The following CCDC85C variants were observed in gnomAD, a reference collection of about 807,000 sequenced individuals.
The protein encoded by CCDC85C is coiled-coil domain-containing protein 85C.
In CCDC85C, 18 loss-of-function variants were observed where a neutral mutation model predicts 38.3. The ratio of observed to expected loss-of-function variants is 0.47; its 90% confidence interval spans 0.33 to 0.70. CCDC85C has a LOEUF of 0.70. Ranked by LOEUF, CCDC85C falls within the 30% of genes least tolerant of loss-of-function variation. The pLI, the probability that CCDC85C is intolerant of heterozygous loss-of-function variation, is 0.03. For missense variants in CCDC85C, 566 were observed against 621.2 expected, an observed-to-expected ratio of 0.91 and a Z score of 0.94; for synonymous variants, 264 against 293.8, an observed-to-expected ratio of 0.90 and a Z score of 1.04.
chr14:99,559,899 G>A (rs955337580), intron 1 of CCDC85C, among the ~76,000 whole-genome samples: 1 of 152,072 alleles, frequency 6.6e-6, no homozygotes, highest in Non-Finnish European at 1.5e-5. Flanking sequence ...TCAGGGGAAA[G>A]AAATCTTCCC....
In CCDC85C at chr14:99,512,005, G is replaced by A. The variant is rs1336468657; in HGVS notation, c.*3241C>T. The A allele has an allele frequency of 1.3e-5, 2 of 152,242 alleles. No homozygotes were observed. Among genetic ancestry groups the A allele is most frequent in the Admixed American group, 6.5e-5 (1 of 15,278 alleles). 9.4% of individuals were successfully genotyped at this position (152,242 alleles called of 1,614,324 possible). A position where few individuals can be genotyped will look rare whatever the true frequency, so the allele number is the denominator to read the frequency against. On this transcript the variant is annotated 3_prime_UTR_variant, in exon 6 of 6. Coordinates refer to ENST00000380243, the MANE Select transcript of CCDC85C (RefSeq NM_001144995.2). The stretch of plus-strand genomic sequence containing the variant: ...TCTGCCTGCTGACCCTGCCACCCAC[G>A]ACAGAAACAAGCACTGAGCACCCAG...
At position 99,533,116 on chromosome 14, in the gene CCDC85C, T is replaced by C. The variant is rs1015797066; in HGVS notation, c.867+2899A>G. ...CTGGTTCTGCTGATGCCATGGGCTC[T>C]GGGGATGCCACCAGCTCCTGGAGCC... On this transcript the variant is annotated intron_variant, in intron 2 of 5. Transcript: ENST00000380243. The surrounding 1 kb of genome is among the most constrained non-coding windows in gnomAD (Gnocchi z 4.2). 6.6e-6 allele frequency among the ~76,000 whole-genome samples: 1 copy of C among 152,182 alleles called. No individual in the cohort carries two copies. Among genetic ancestry groups the C allele is most frequent in the African/African-American group, 2.4e-5 (1 of 41,436 alleles).
intron 1 of CCDC85C, among the ~76,000 whole-genome samples, chr14:99,595,795 C>T (rs898542450): frequency 6.6e-6 from 1 of 152,238 alleles, no homozygotes; most frequent in Admixed American, 6.5e-5. Context: ...CTGTAACTTG[C>T]CTCACCATCC....
chr14:99,589,237 C>T (rs1236521731), intron 1 of CCDC85C, among the ~76,000 whole-genome samples: 1 of 152,106 alleles, frequency 6.6e-6, no homozygotes, highest in Admixed American at 6.5e-5. Flanking sequence ...CTGAGGACAG[C>T]AGGCAGGGGG....
In CCDC85C at chr14:99,603,891, C is replaced by T; in HGVS notation, c.69G>A (p.Leu23=). 1 of 1,496,168 alleles carries T rather than the reference C, an allele frequency of 6.7e-7. No homozygotes were observed. The highest frequency in any genetic ancestry group is 8.9e-7 in the Non-Finnish European group (1 of 1,128,282). 92.7% of individuals were successfully genotyped at this position (1,496,168 alleles called of 1,614,324 possible). A position where few individuals can be genotyped will look rare whatever the true frequency, so the allele number is the denominator to read the frequency against. Residue 23 remains leucine (L), a synonymous_variant, in exon 1 of 6, where the codon CTG becomes CTA. Coordinates refer to ENST00000380243, the MANE Select transcript of CCDC85C (RefSeq NM_001144995.2). The surrounding 1 kb of genome is among the most constrained non-coding windows in gnomAD (Gnocchi z 7.5). ...CCAGCTCCTCCTTGCTCCAGCGCAG[C>T]AGCTCCTCGTCCGGCACCTGGCTCA... The part of the protein sequence containing the change: ...EELSQVPDEE[L]LRWSKEELAR...
chr14:99,559,451 C>T (rs547149247), intron 1 of CCDC85C, among the ~76,000 whole-genome samples: 14 of 151,808 alleles, frequency 9.2e-5, no homozygotes, highest in Non-Finnish European at 1.8e-4. Context: ...CATGACATCA[C>T]TGACGAGAGA....
At chr14:99,515,587 C>T (rs1299517610) in intron 5 of CCDC85C, among the ~76,000 whole-genome samples, 1 of 152,162 alleles carries the variant, frequency 6.6e-6, no homozygotes, top group Non-Finnish European at 1.5e-5. Flanking sequence ...TCCACAGGCC[C>T]CACTAGGTGA....
chr14:99,563,586 C>A (rs1898159147), intron 1 of CCDC85C, among the ~76,000 whole-genome samples: 1 of 152,230 alleles, frequency 6.6e-6, no homozygotes, highest in South Asian at 2.1e-4. Context: ...TCTGCATCTG[C>A]AAGATATAGG....
At chr14:99,522,699 G>C (rs907210092) in intron 2 of CCDC85C, 1 of 106,088 alleles carries the variant, frequency 9.4e-6, no homozygotes, top group East Asian at 3.3e-4. Context: ...CCACGGGTTC[G>C]GGGCTCTCTC....
intron 1 of CCDC85C, among the ~76,000 whole-genome samples, chr14:99,555,375 G>A (rs1250706155): frequency 6.6e-6 from 1 of 152,206 alleles, no homozygotes; most frequent in African/African-American, 2.4e-5. Context: ...CAAGGCTACA[G>A]GTCAAGTCAG....
chr14:99,584,679 G>A (rs974071296), intron 1 of CCDC85C, among the ~76,000 whole-genome samples: 1 of 152,260 alleles, frequency 6.6e-6, no homozygotes, highest in African/African-American at 2.4e-5. Context: ...GGCAGACACT[G>A]AAACGCAAAT....
intron 1 of CCDC85C, among the ~76,000 whole-genome samples, chr14:99,585,060 A>G (rs1274204531): frequency 6.6e-6 from 1 of 151,962 alleles, no homozygotes; most frequent in African/African-American, 2.4e-5. Flanking sequence ...GGGCAACCAC[A>G]CTCCAGCCTG....
chr14:99,573,767 G>A (rs1430867099), intron 1 of CCDC85C, among the ~76,000 whole-genome samples: 5 of 152,160 alleles, frequency 3.3e-5, no homozygotes, highest in Non-Finnish European at 5.9e-5. Context: ...TGGGTGGGAC[G>A]GCAGCCCTCC....
chr14:99,534,363 A>C (rs112050718), intron 2 of CCDC85C, among the ~76,000 whole-genome samples: 8 of 152,010 alleles, frequency 5.3e-5, no homozygotes, highest in African/African-American at 1.9e-4. Flanking sequence ...TCTCAAAAAA[A>C]AAAAAAGAAA....
intron 1 of CCDC85C, among the ~76,000 whole-genome samples, chr14:99,562,943 C>A (rs139491882): frequency 8.0e-4 from 122 of 152,246 alleles, no homozygotes; most frequent in Middle Eastern, 3.4e-3. Flanking sequence ...CTTGACACTG[C>A]GGAAAGAGTA....
chr14:99,502,475 A>G lies in CCDC85C; in HGVS notation c.*12771T>C, dbSNP rs2295385. 3.6e-4 allele frequency: 533 copies of G among 1,466,520 alleles called. 5 individuals carry two copies. In the East Asian group the frequency reaches 0.012, roughly 34 times the overall value. 90.8% of individuals were successfully genotyped at this position (1,466,520 alleles called of 1,614,324 possible). ...CAAGAATGGATTTTCCCAGATAGAC[A>G]TATGTGAGCAATATTTCAGAAGCAT... On this transcript the variant is annotated 3_prime_UTR_variant, in exon 6 of 6. Coordinates refer to ENST00000380243, the MANE Select transcript of CCDC85C (RefSeq NM_001144995.2).
rs1199855101 is a variant in CCDC85C, at chr14:99,558,692, T to C, written c.794-22604A>G. ...CTTGTAAGAGACAGAAAAGGGCAAA[T>C]GGAAACAGAGGAGGCCGGATGGAAA... On this transcript the variant is annotated intron_variant, in intron 1 of 5. Transcript: ENST00000380243. The surrounding 1 kb of genome is among the most constrained non-coding windows in gnomAD (Gnocchi z 4.2). Among the ~76,000 whole-genome samples, 3 of 151,872 alleles carry C rather than the reference T, an allele frequency of 2.0e-5. No homozygotes were observed. Among genetic ancestry groups the C allele is most frequent in the Non-Finnish European group, 4.4e-5 (3 of 67,974 alleles).
chr14:99,515,644 AG>A lies in CCDC85C; in HGVS notation c.1171-310del, dbSNP rs541362602. The stretch of plus-strand genomic sequence containing the variant: ...TTCAGAGCCTCTCGCCCCCCCTTTA[AG>A]TCCTGGGTTCAGACCCTATGAAACT... On this transcript the variant is annotated intron_variant, in intron 5 of 5. Coordinates refer to ENST00000380243, the MANE Select transcript of CCDC85C (RefSeq NM_001144995.2). Among the ~76,000 whole-genome samples the A allele has an allele frequency of 3.0e-3, 455 of 152,126 alleles. 1 individual carries two copies. Among genetic ancestry groups the A allele is most frequent in the African/African-American group, 0.011 (437 of 41,510 alleles).
At chr14:99,582,614 A>C (rs1196503706) in intron 1 of CCDC85C, among the ~76,000 whole-genome samples, 2 of 152,100 alleles carry the variant, frequency 1.3e-5, no homozygotes, top group African/African-American at 2.4e-5. Flanking sequence ...TCAGGAGTTC[A>C]AGACCAGCCT....
Sources: gnomAD v4.1 joint callset for allele counts (sites outside exome capture counted in the v4.1 genomes callset) on GRCh38, gnomAD v4.1.1 for gene constraint, Gnocchi (gnomAD v3.1) non-coding constraint, MANE v1.5 for transcripts, NCBI Gene and HGNC (gene_info 2026-07-23, HGNC 2026-07-21) for gene names.